The following RPRD2 variants were observed in gnomAD, a reference collection of about 807,000 sequenced individuals.
RPRD2 encodes the protein regulation of nuclear pre-mRNA domain containing 2.
RPRD2 carries 12 observed loss-of-function variants against 104.4 expected under a neutral mutation model. The ratio of observed to expected loss-of-function variants is 0.11; its 90% CI spans 0.07 to 0.19. RPRD2 has a LOEUF of 0.19. Ranked by LOEUF, RPRD2 falls within the 10% of genes least tolerant of loss-of-function variation. RPRD2 has a pLI of 1.00. For synonymous variants in RPRD2, 714 were observed against 684.9 expected, an observed-to-expected ratio of 1.04 and a Z score of -0.66; for missense variants, 1,543 against 1,790.1, an observed-to-expected ratio of 0.86 and a Z score of 2.49.
At chr1:150,454,692 AC>A (rs1284124339) in intron 7 of RPRD2, among the ~76,000 whole-genome samples, 5 of 152,080 alleles carry the variant, frequency 3.3e-5, no homozygotes, top group African/African-American at 7.2e-5. Flanking sequence ...AACAAAAAAT[AC>A]AAAAATTAGC....
intron 1 of RPRD2, among the ~76,000 whole-genome samples, chr1:150,407,721 T>G (rs587614984): frequency 2.6e-5 from 4 of 152,328 alleles, no homozygotes; most frequent in Non-Finnish European, 5.9e-5. Context: ...AGTTGGGAGA[T>G]TTATCTTTTT....
intron 1 of RPRD2, among the ~76,000 whole-genome samples, chr1:150,398,461 G>A (rs1662717896): frequency 6.6e-6 from 1 of 152,088 alleles, no homozygotes; most frequent in Non-Finnish European, 1.5e-5. Context: ...CTCCCAAAGT[G>A]CTGGGATTAC....
intron 1 of RPRD2, among the ~76,000 whole-genome samples, chr1:150,384,454 A>G (rs1250465309): frequency 3.7e-5 from 2 of 54,074 alleles, no homozygotes; most frequent in Non-Finnish European, 9.4e-5. Flanking sequence ...CATCATCATT[A>G]TTATTATTAT....
chr1:150,381,337 G>A (rs1572358416), intron 1 of RPRD2, among the ~76,000 whole-genome samples: 1 of 151,918 alleles, frequency 6.6e-6, no homozygotes, highest in South Asian at 2.1e-4. Flanking sequence ...TGGGAGGATT[G>A]CTTGAGCCTC....
At chr1:150,428,182 C>T (rs1474128604) in intron 2 of RPRD2, among the ~76,000 whole-genome samples, 3 of 151,760 alleles carry the variant, frequency 2.0e-5, no homozygotes, top group East Asian at 3.9e-4. Flanking sequence ...AATCTATCCT[C>T]GCCGGGCGTG....
At chr1:150,422,040 A>G (rs758900041) in intron 2 of RPRD2, among the ~76,000 whole-genome samples, 13 of 150,982 alleles carry the variant, frequency 8.6e-5, no homozygotes, top group Non-Finnish European at 1.6e-4. Flanking sequence ...CCTAACCACC[A>G]CTTCCCCTTT....
chr1:150,389,102 TCA>T (rs1661864975), intron 1 of RPRD2, among the ~76,000 whole-genome samples: 1 of 152,070 alleles, frequency 6.6e-6, no homozygotes, highest in Non-Finnish European at 1.5e-5. Context: ...AGTGGTACAA[TCA>T]CAGCTCACTG....
intron 2 of RPRD2, among the ~76,000 whole-genome samples, chr1:150,423,548 A>G (rs1664906849): frequency 6.6e-6 from 1 of 152,202 alleles, no homozygotes; most frequent in Admixed American, 6.5e-5. Context: ...AAGGGTGTAT[A>G]GAGAATTATA....
chr1:150,433,399 A>G (rs1665738523), intron 2 of RPRD2, among the ~76,000 whole-genome samples: 2 of 135,478 alleles, frequency 1.5e-5, no homozygotes, highest in Admixed American at 7.5e-5. Flanking sequence ...AATATATAAT[A>G]TATATATACT....
intron 1 of RPRD2, among the ~76,000 whole-genome samples, chr1:150,405,126 T>G (rs1230052984): frequency 6.6e-6 from 1 of 152,162 alleles, no homozygotes; most frequent in Non-Finnish European, 1.5e-5. Context: ...GTTACAGATT[T>G]TTGTGATTCG....
At chr1:150,378,998 A>G (rs1208031272) in intron 1 of RPRD2, among the ~76,000 whole-genome samples, 1 of 149,910 alleles carries the variant, frequency 6.7e-6, no homozygotes, top group Admixed American at 6.7e-5. Flanking sequence ...AAAAAAAAAA[A>G]AGGCCCAGCT....
chr1:150,470,259 T>C (rs1668508675), intron 10 of RPRD2, among the ~76,000 whole-genome samples: 1 of 152,118 alleles, frequency 6.6e-6, no homozygotes, highest in African/African-American at 2.4e-5. Context: ...TTGCCTAACT[T>C]AAACTATGAA....
Position 150,364,162 on chromosome 1 carries a change from TTGC to T in RPRD2, c.-548_-546del, listed in dbSNP as rs1278443299. On this transcript the variant is annotated 5_prime_UTR_variant, in exon 1 of 11. Coordinates refer to ENST00000369068, the MANE Select transcript of RPRD2 (RefSeq NM_015203.5). ...CGTGCGCGATACTGTTGCTGCCCCT[TTGC>T]TGCTATTGCGTTGCAAAAAAAATCC... Among the ~76,000 whole-genome samples, 1 of 152,190 alleles carries T rather than the reference TTGC, an allele frequency of 6.6e-6. No individual in the cohort carries two copies. Among genetic ancestry groups the T allele is most frequent in the Non-Finnish European group, 1.5e-5 (1 of 68,034 alleles).
At chr1:150,409,868 C>G (rs191501063) in intron 1 of RPRD2, among the ~76,000 whole-genome samples, 98 of 152,258 alleles carry the variant, frequency 6.4e-4, no homozygotes, top group African/African-American at 2.1e-3. Flanking sequence ...TGGTCTTGAA[C>G]TCCTGACCTC....
chr1:150,444,818 T>C (rs1553895264), intron 6 of RPRD2, among the ~76,000 whole-genome samples: 1 of 152,230 alleles, frequency 6.6e-6, no homozygotes, highest in African/African-American at 2.4e-5. Flanking sequence ...ACATAATAGA[T>C]ATTTGATGAA....
intron 1 of RPRD2, among the ~76,000 whole-genome samples, chr1:150,391,553 A>G (rs1662066610): frequency 2.0e-5 from 3 of 152,234 alleles, no homozygotes; most frequent in Admixed American, 2.0e-4. Context: ...TAAATTGGTA[A>G]CCATAAGAGT....
At chr1:150,404,843 A>T (rs782257261) in intron 1 of RPRD2, among the ~76,000 whole-genome samples, 1 of 152,080 alleles carries the variant, frequency 6.6e-6, no homozygotes, top group Admixed American at 6.6e-5. Flanking sequence ...CTGGTTTTAG[A>T]CCTCATTTTA....
In RPRD2 at chr1:150,457,342, T is replaced by C. The variant is rs373990403; in HGVS notation, c.925T>C (p.Leu309=). Residue 309 remains leucine, a synonymous_variant, in exon 8 of 11, where the codon TTG becomes CTG. Coordinates refer to ENST00000369068, the MANE Select transcript of RPRD2 (RefSeq NM_015203.5). ...CAATTTAAAGAAGAAGTTGGATCAA[T>C]TGAAGTCAACCCTTCCAGATCCTGA... The part of the protein sequence containing the change: ...VNNLKKKLDQ[L]KSTLPDPEES... 1.2e-6 allele frequency: 2 copies of C among 1,607,398 alleles called. No individual in the cohort carries two copies. The highest frequency in any genetic ancestry group is 1.7e-6 in the Non-Finnish European group (2 of 1,173,942).
At chr1:150,416,452 A>T (rs1664332387) in intron 1 of RPRD2, among the ~76,000 whole-genome samples, 1 of 152,172 alleles carries the variant, frequency 6.6e-6, no homozygotes, top group Non-Finnish European at 1.5e-5. Flanking sequence ...GAACTGAGAG[A>T]CAAGAAAACA....
Sources: allele counts gnomAD v4.1 joint callset (sites outside exome capture counted in the v4.1 genomes callset), GRCh38; gene constraint gnomAD v4.1.1; transcripts MANE v1.5; gene names NCBI Gene and HGNC (gene_info 2026-07-23, HGNC 2026-07-21).